The following PCDHA5 variants were observed in gnomAD, a reference collection of about 807,000 sequenced individuals.
PCDHA5 encodes protocadherin alpha-5.
A neutral mutation model predicts 61.6 loss-of-function variants in PCDHA5; 43 were observed. The observed-to-expected ratio is 0.70, with a 90% CI of 0.55 to 0.90. PCDHA5 has a LOEUF of 0.90. PCDHA5 is among the 40% of genes least tolerant of loss of function. The probability of loss-of-function intolerance (pLI) is 0.00; values close to 1 mark genes in which losing one functional copy is unlikely to be tolerated. For synonymous variants in PCDHA5, 627 were observed against 543.9 expected, an observed-to-expected ratio of 1.15 and a Z score of -2.13; for missense variants, 1,298 against 1,222.7, an observed-to-expected ratio of 1.06 and a Z score of -0.92.
At chr5:140,848,502 T>C (rs2150411498) in intron 1 of PCDHA5, 1 of 1,586,510 alleles carries the variant, frequency 6.3e-7, no homozygotes, top group Non-Finnish European at 8.6e-7. Context: ...TGAAATGTTA[T>C]ACTCAAGTCG....
chr5:140,986,246 C>T (rs561365390), intron 3 of PCDHA5, among the ~76,000 whole-genome samples: 1 of 152,178 alleles, frequency 6.6e-6, no homozygotes, highest in African/African-American at 2.4e-5. Flanking sequence ...TGAGCAGACC[C>T]GGACCACAGG....
At chr5:140,888,983 T>C (rs193278447) in intron 1 of PCDHA5, among the ~76,000 whole-genome samples, 22 of 152,266 alleles carry the variant, frequency 1.4e-4, no homozygotes, top group African/African-American at 5.1e-4. Flanking sequence ...AATTTATGAT[T>C]TATGATTTTC....
At chr5:140,897,543 C>A (rs1325895994) in intron 1 of PCDHA5, among the ~76,000 whole-genome samples, 2 of 152,044 alleles carry the variant, frequency 1.3e-5, no homozygotes, top group African/African-American at 4.8e-5. Flanking sequence ...GCTGCATAGT[C>A]TTCCATGGTG....
chr5:140,828,066 T>C, intron 1 of PCDHA5: 1 of 1,560,076 alleles, frequency 6.4e-7, no homozygotes, highest in South Asian at 1.2e-5. Context: ...GATCTTCTAA[T>C]GGAAATAAAA....
chr5:140,841,433 G>C, intron 1 of PCDHA5: 1 of 1,612,986 alleles, frequency 6.2e-7, no homozygotes, highest in Non-Finnish European at 8.5e-7. Flanking sequence ...CGTCCCCGAG[G>C]AGGCCAAACA....
At chr5:140,898,543 A>G (rs1284006764) in intron 1 of PCDHA5, among the ~76,000 whole-genome samples, 2 of 152,224 alleles carry the variant, frequency 1.3e-5, no homozygotes, top group East Asian at 3.9e-4. Flanking sequence ...TGTTCCATTT[A>G]TCTATGTCTC....
chr5:140,870,766 C>G, intron 1 of PCDHA5: 3 of 1,613,562 alleles, frequency 1.9e-6, no homozygotes, highest in South Asian at 1.1e-5. Context: ...GGTGTTCGTG[C>G]TGGACGAGAA....
chr5:141,000,365 C>CTG (rs2097904906), intron 3 of PCDHA5, among the ~76,000 whole-genome samples: 2 of 12,832 alleles, frequency 1.6e-4, no homozygotes, highest in Non-Finnish European at 2.6e-4. Flanking sequence ...CTCTCTGTCT[C>CTG]TCTCTCTCTC....
chr5:140,983,329 A>G (rs1359569826), intron 3 of PCDHA5, among the ~76,000 whole-genome samples: 8 of 152,228 alleles, frequency 5.3e-5, no homozygotes, highest in Admixed American at 6.5e-5. Flanking sequence ...TTCTTGCCCT[A>G]TCACTAAAGC....
chr5:140,983,518 C>T (rs1417635641), intron 3 of PCDHA5, among the ~76,000 whole-genome samples: 1 of 152,130 alleles, frequency 6.6e-6, no homozygotes, highest in African/African-American at 2.4e-5. Context: ...AGACACTGTG[C>T]CAAGTACATT....
intron 1 of PCDHA5, among the ~76,000 whole-genome samples, chr5:140,937,724 AAC>A (rs2091708035): frequency 6.6e-6 from 1 of 152,064 alleles, no homozygotes; most frequent in Non-Finnish European, 1.5e-5. Flanking sequence ...CATCCTGGCT[AAC>A]ACGGTGAAAC....
chr5:140,843,651 C>T (rs2150364559), intron 1 of PCDHA5: 1 of 1,595,120 alleles, frequency 6.3e-7, no homozygotes, highest in Non-Finnish European at 8.6e-7. Flanking sequence ...CCCTGCCTTC[C>T]TCCTGATCTG....
At chr5:140,845,758 T>A (rs1780017819) in intron 1 of PCDHA5, among the ~76,000 whole-genome samples, 1 of 149,708 alleles carries the variant, frequency 6.7e-6, no homozygotes, top group African/African-American at 2.4e-5. Flanking sequence ...TTGTATCAAG[T>A]AAGTTAATAG....
At chr5:140,969,760 C>T (rs1166018588) in intron 1 of PCDHA5, among the ~76,000 whole-genome samples, 1 of 152,194 alleles carries the variant, frequency 6.6e-6, no homozygotes, top group Non-Finnish European at 1.5e-5. Flanking sequence ...TTAAAAAGCT[C>T]TGAGGCCTCT....
chr5:140,880,895 TAGAA>T (rs1421038707), intron 1 of PCDHA5, among the ~76,000 whole-genome samples: 2 of 152,090 alleles, frequency 1.3e-5, no homozygotes, highest in African/African-American at 4.8e-5. Context: ...TAGGGCCAGA[TAGAA>T]AGAATTAGAA....
At chr5:140,840,288 A>G (rs2150305409) in intron 1 of PCDHA5, among the ~76,000 whole-genome samples, 1,565 of 152,122 alleles carry the variant, frequency 0.01, 48 homozygotes, top group African/African-American at 0.036. Flanking sequence ...TTGGGTGATT[A>G]TTGATTAGAT....
At chr5:140,958,339 G>A (rs1177083248) in intron 1 of PCDHA5, among the ~76,000 whole-genome samples, 2 of 152,024 alleles carry the variant, frequency 1.3e-5, no homozygotes, top group African/African-American at 4.8e-5. Context: ...TAAATCACAG[G>A]AAGTTCACAG....
chr5:140,942,590 A>G (rs868979857), intron 1 of PCDHA5, among the ~76,000 whole-genome samples: 1 of 148,658 alleles, frequency 6.7e-6, no homozygotes, highest in Admixed American at 6.8e-5. Context: ...GATGTCACAT[A>G]TAATTATAGT....
intron 1 of PCDHA5, among the ~76,000 whole-genome samples, chr5:140,893,560 T>C (rs964266537): frequency 4.6e-5 from 7 of 152,232 alleles, no homozygotes; most frequent in Admixed American, 4.6e-4. Flanking sequence ...AGTTGTAGTG[T>C]ACTTCCTCAG....
Sources: allele counts gnomAD v4.1 joint callset (sites outside exome capture counted in the v4.1 genomes callset), GRCh38; gene constraint gnomAD v4.1.1; transcripts MANE v1.5; gene names NCBI Gene and HGNC (gene_info 2026-07-23, HGNC 2026-07-21).